The following AP3S1 variants were observed in gnomAD, a reference collection of about 807,000 sequenced individuals.
AP3S1 encodes the protein AP-3 complex subunit sigma-1.
A neutral mutation model predicts 21.3 loss-of-function variants in AP3S1; 12 were observed. The ratio of observed to expected loss-of-function variants is 0.56; its 90% CI spans 0.36 to 0.91. The LOEUF (loss-of-function observed/expected upper bound fraction) is 0.91. Among genes scored for constraint, AP3S1 ranks in the 40% least tolerant of loss-of-function variants. AP3S1 has a pLI of 0.01. For synonymous variants in AP3S1, 48 were observed against 78.4 expected, an observed-to-expected ratio of 0.61 and a Z score of 2.05; for missense variants, 116 against 225.0, an observed-to-expected ratio of 0.52 and a Z score of 3.10.
chr5:115,852,919 A>G (rs1762541652), intron 1 of AP3S1: 1 of 411,996 alleles, frequency 2.4e-6, no homozygotes, highest in South Asian at 1.8e-5. Flanking sequence ...ACTATGAATA[A>G]TGGTGCTATG....
At chr5:115,893,342 A>G (rs1393013002) in intron 3 of AP3S1, among the ~76,000 whole-genome samples, 4 of 152,216 alleles carry the variant, frequency 2.6e-5, no homozygotes, top group African/African-American at 7.2e-5. Flanking sequence ...CATATAGACC[A>G]TTGTACAACA....
At chr5:115,843,748 T>C (rs1761838806) in intron 1 of AP3S1, among the ~76,000 whole-genome samples, 1 of 152,238 alleles carries the variant, frequency 6.6e-6, no homozygotes, top group Non-Finnish European at 1.5e-5. Context: ...ATCCATGTAA[T>C]CGGTGTATAC....
intron 3 of AP3S1, among the ~76,000 whole-genome samples, chr5:115,894,608 G>A (rs183719946): frequency 6.6e-6 from 1 of 152,252 alleles, no homozygotes; most frequent in African/African-American, 2.4e-5. Context: ...TTTGGACCCA[G>A]GTAAGTCTGA....
chr5:115,859,274 G>T (rs1356841126), intron 1 of AP3S1, among the ~76,000 whole-genome samples: 1 of 152,192 alleles, frequency 6.6e-6, no homozygotes, highest in African/African-American at 2.4e-5. Flanking sequence ...TTCTCACTTG[G>T]ATAAAGCCCA....
intron 1 of AP3S1, among the ~76,000 whole-genome samples, chr5:115,860,997 A>G (rs1034538965): frequency 1.3e-5 from 2 of 152,198 alleles, no homozygotes; most frequent in Non-Finnish European, 2.9e-5. Flanking sequence ...ATACGCTTTT[A>G]TTGGCTACTC....
intron 3 of AP3S1, among the ~76,000 whole-genome samples, chr5:115,894,428 A>G (rs1750571594): frequency 6.6e-6 from 1 of 152,182 alleles, no homozygotes; most frequent in Non-Finnish European, 1.5e-5. Flanking sequence ...TCCAGCATAC[A>G]AAAACACTCT....
At chr5:115,862,153 CA>C (rs1181701428) in intron 1 of AP3S1, among the ~76,000 whole-genome samples, 3 of 151,980 alleles carry the variant, frequency 2.0e-5, no homozygotes, top group African/African-American at 4.8e-5. Context: ...CTTTTATGAA[CA>C]TTCTTCTGTT....
chr5:115,876,237 A>G (rs1748702582), intron 3 of AP3S1, among the ~76,000 whole-genome samples: 1 of 152,218 alleles, frequency 6.6e-6, no homozygotes, highest in African/African-American at 2.4e-5. Flanking sequence ...ATTTATATAA[A>G]CAATCAGCAA....
chr5:115,852,633 C>T (rs1762518826), intron 1 of AP3S1, among the ~76,000 whole-genome samples: 1 of 152,054 alleles, frequency 6.6e-6, no homozygotes, highest in South Asian at 2.1e-4. Context: ...TCCCCACTCC[C>T]CACTGTCCCT....
chr5:115,864,847 G>C (rs1763491759), intron 1 of AP3S1, among the ~76,000 whole-genome samples: 1 of 152,192 alleles, frequency 6.6e-6, no homozygotes, highest in Non-Finnish European at 1.5e-5. Flanking sequence ...AGTAGACTTA[G>C]AAGAAGCAGC....
At chr5:115,855,969 T>C (rs1202060942) in intron 1 of AP3S1, among the ~76,000 whole-genome samples, 3 of 152,202 alleles carry the variant, frequency 2.0e-5, no homozygotes, top group Admixed American at 6.5e-5. Context: ...AGAGAAAATA[T>C]TGTTAGTGGG....
At chr5:115,902,836 C>T in intron 4 of AP3S1, 49 bp from the exon 5 acceptor site, 1 of 1,336,192 alleles carries the variant, frequency 7.5e-7, no homozygotes. Context: ...CATGAAACTT[C>T]TTTTTAGTGA....
intron 1 of AP3S1, among the ~76,000 whole-genome samples, chr5:115,859,933 C>A (rs1763054703): frequency 6.6e-6 from 1 of 152,150 alleles, no homozygotes; most frequent in Non-Finnish European, 1.5e-5. Flanking sequence ...GTTACTGTAA[C>A]AAATTACCAC....
intron 1 of AP3S1, among the ~76,000 whole-genome samples, chr5:115,863,344 C>T (rs756099435): frequency 6.0e-5 from 9 of 150,350 alleles, no homozygotes; most frequent in African/African-American, 9.8e-5. Context: ...TTGCAGTGAG[C>T]GAGATCATGC....
intron 5 of AP3S1, 187 bp downstream of exon 5, chr5:115,903,179 A>G: frequency 2.3e-6 from 1 of 427,016 alleles, no homozygotes; most frequent in Non-Finnish European, 4.2e-6. Context: ...TCTACCCAAC[A>G]GCTTTGTGTA....
At chr5:115,868,343 CTTT>C (rs1747880673) in intron 2 of AP3S1, among the ~76,000 whole-genome samples, 1 of 152,064 alleles carries the variant, frequency 6.6e-6, no homozygotes, top group African/African-American at 2.4e-5. Context: ...TATTTGTGTT[CTTT>C]TTGCCTCTTT....
chr5:115,869,858 A>G (rs892417050), intron 2 of AP3S1, among the ~76,000 whole-genome samples, 159 bp from the exon 3 acceptor site: 2 of 152,218 alleles, frequency 1.3e-5, no homozygotes, highest in Non-Finnish European at 2.9e-5. Flanking sequence ...CAGCCACCTT[A>G]ATTCACCTAG....
At position 115,890,423 on chromosome 5, in the gene AP3S1, C is replaced by T. The variant is rs562762273; in HGVS notation, c.274-4664C>T. Among the ~76,000 whole-genome samples, 6 of 152,248 alleles carry T rather than the reference C, an allele frequency of 3.9e-5. 1 individual carries two copies. The South Asian group carries it at 1.2e-3, about 32-fold the overall frequency. On this transcript the variant is annotated intron_variant, in intron 3 of 5. Transcript: ENST00000316788. ...CAAAAGAGCATGTATCCTATAATCT[C>T]ATTTTAATATGGTTCAGACATAGAT...
At chr5:115,900,533 C>G (rs183665558) in intron 4 of AP3S1, among the ~76,000 whole-genome samples, 1 of 152,156 alleles carries the variant, frequency 6.6e-6, no homozygotes, top group Non-Finnish European at 1.5e-5. Flanking sequence ...TCTAGGAGCC[C>G]TGATTCCTTT....
Sources: gnomAD v4.1 joint callset for allele counts (sites outside exome capture counted in the v4.1 genomes callset) on GRCh38, gnomAD v4.1.1 for gene constraint, MANE v1.5 for transcripts, NCBI Gene and HGNC (gene_info 2026-07-23, HGNC 2026-07-21) for gene names.